GRIK3: variants seen among roughly 807,000 people sequenced by gnomAD.
GRIK3 encodes the protein glutamate receptor ionotropic, kainate 3.
A neutral mutation model predicts 102.5 loss-of-function variants in GRIK3; 29 were observed. That is an observed-to-expected ratio of 0.28 (90% confidence interval 0.21 to 0.39). The LOEUF is 0.39. GRIK3 is among the 10% of genes least tolerant of loss of function. The probability of loss-of-function intolerance (pLI) is 1.00; values close to 1 mark genes in which losing one functional copy is unlikely to be tolerated. For synonymous variants in GRIK3, 511 were observed against 504.9 expected (o/e 1.01, Z -0.16); for missense variants, 908 against 1,252.4 (o/e 0.73, Z 4.15).
chr1:36,944,199 G>A (rs1172213969), intron 1 of GRIK3, among the ~76,000 whole-genome samples: 1 of 152,252 alleles, frequency 6.6e-6, no homozygotes, highest in Admixed American at 6.5e-5. Context: ...TGAAAAAGGG[G>A]TGGAGGGAGG....
intron 1 of GRIK3, among the ~76,000 whole-genome samples, chr1:36,912,410 A>G (rs1285105526): frequency 6.6e-6 from 1 of 151,964 alleles, no homozygotes; most frequent in Non-Finnish European, 1.5e-5. Context: ...AATAGGCCCC[A>G]GCAGAACAGA....
chr1:36,918,362 G>A (rs1641430233), intron 1 of GRIK3, among the ~76,000 whole-genome samples: 1 of 152,086 alleles, frequency 6.6e-6, no homozygotes, highest in Non-Finnish European at 1.5e-5. Context: ...CTTATGCAGT[G>A]TGCATTTTTG....
intron 1 of GRIK3, among the ~76,000 whole-genome samples, chr1:36,986,465 CCCATCCAT>C (rs774258723): frequency 7.6e-4 from 88 of 115,250 alleles, no homozygotes; most frequent in East Asian, 2.7e-3. Flanking sequence ...CATCCATCAG[CCCATCCAT>C]CCATCCATCC....
intron 1 of GRIK3, among the ~76,000 whole-genome samples, chr1:36,965,476 A>G (rs947029920): frequency 1.3e-5 from 2 of 152,176 alleles, no homozygotes; most frequent in Admixed American, 1.3e-4. Context: ...TGGAGCTCAC[A>G]TGGACTTGTT....
chr1:36,989,209 T>C (rs11263957), intron 1 of GRIK3, among the ~76,000 whole-genome samples: 8,545 of 152,204 alleles, frequency 0.056, 624 homozygotes, highest in African/African-American at 0.17. Flanking sequence ...CACACACGCA[T>C]GCACATAACT....
At chr1:36,948,912 G>A (rs1641812804) in intron 1 of GRIK3, among the ~76,000 whole-genome samples, 5 of 152,338 alleles carry the variant, frequency 3.3e-5, no homozygotes, top group Admixed American at 2.6e-4. Context: ...TGAGCTGGCT[G>A]CTCCTCAAGC....
intron 1 of GRIK3, among the ~76,000 whole-genome samples, chr1:36,969,434 A>T (rs1000019987): frequency 6.6e-6 from 1 of 152,236 alleles, no homozygotes; most frequent in Non-Finnish European, 1.5e-5. Context: ...TTGACAAATT[A>T]ACTGCCTCCC....
At chr1:36,999,371 G>A (rs1291873800) in intron 1 of GRIK3, among the ~76,000 whole-genome samples, 1 of 152,136 alleles carries the variant, frequency 6.6e-6, no homozygotes, top group Non-Finnish European at 1.5e-5. Flanking sequence ...TGAACTGCAA[G>A]TCGGGAGCCG....
intron 1 of GRIK3, among the ~76,000 whole-genome samples, chr1:36,942,595 G>A (rs1641736727): frequency 6.6e-6 from 1 of 151,362 alleles, no homozygotes; most frequent in Admixed American, 6.6e-5. Flanking sequence ...TTGACCGCAG[G>A]TGGAGGTCAA....
chr1:36,838,116 A>G (rs971145080), intron 10 of GRIK3, among the ~76,000 whole-genome samples: 1 of 152,212 alleles, frequency 6.6e-6, no homozygotes, highest in Non-Finnish European at 1.5e-5. Flanking sequence ...GCTTCTGTGT[A>G]CTGAGCATTT....
At chr1:36,861,671 C>T (rs1355492569) in intron 5 of GRIK3, among the ~76,000 whole-genome samples, 2 of 152,218 alleles carry the variant, frequency 1.3e-5, no homozygotes, top group African/African-American at 2.4e-5. Context: ...CCTGTTCCTC[C>T]TGCATCCCCA....
At chr1:37,029,432 G>A (rs1642797924) in intron 1 of GRIK3, among the ~76,000 whole-genome samples, 1 of 152,210 alleles carries the variant, frequency 6.6e-6, no homozygotes, top group African/African-American at 2.4e-5. Flanking sequence ...GGAAGGTCCT[G>A]AGCAAGCAAG....
chr1:36,799,685 A>G lies in GRIK3; in HGVS notation c.*2166T>C, dbSNP rs1642418367. The G allele has an allele frequency of 6.6e-6, 1 of 152,066 alleles. No homozygotes were observed. The highest frequency in any genetic ancestry group is 2.1e-4 in the South Asian group (1 of 4,814). The allele number at this position is 152,066 out of a possible 1,614,324, so 9.4% of individuals were successfully genotyped here. ...TATGCATACCCACCAGGGCCCCATT[A>G]TGACATGGCTTCTCCTGTTTTTACA... is the stretch of plus-strand genomic sequence containing the variant. On this transcript the variant is annotated 3_prime_UTR_variant, in exon 16 of 16. Transcript: ENST00000373091.
At chr1:36,814,335 A>G (rs1051907892) in intron 13 of GRIK3, among the ~76,000 whole-genome samples, 1 of 152,104 alleles carries the variant, frequency 6.6e-6, no homozygotes, top group African/African-American at 2.4e-5. Context: ...TGCATGAGAG[A>G]TGCTCTGGCA....
At chr1:36,917,509 G>T (rs753989496) in intron 1 of GRIK3, among the ~76,000 whole-genome samples, 2 of 152,202 alleles carry the variant, frequency 1.3e-5, no homozygotes, top group Non-Finnish European at 2.9e-5. Flanking sequence ...TTGTGGGAGG[G>T]ACCCACTGAG....
chr1:36,814,167 C>T (rs887692541), intron 13 of GRIK3, among the ~76,000 whole-genome samples: 8 of 152,204 alleles, frequency 5.3e-5, no homozygotes, highest in Middle Eastern at 3.4e-3. Flanking sequence ...GGCAGCAGCT[C>T]GGTGGGGAGC....
At chr1:36,960,143 TTGAGCCTGTGTGCCCTG>T (rs1367202261) in intron 1 of GRIK3, among the ~76,000 whole-genome samples, 5 of 79,338 alleles carry the variant, frequency 6.3e-5, no homozygotes, top group Non-Finnish European at 1.2e-4. Context: ...CCTGTGCCCC[TTGAGCCTGTGTGCCCTG>T]TGAGCCTGTG....
chr1:36,874,911 C>T (rs1353953908), intron 3 of GRIK3, among the ~76,000 whole-genome samples: 1 of 152,220 alleles, frequency 6.6e-6, no homozygotes, highest in East Asian at 1.9e-4. Flanking sequence ...CTCCTCTCAG[C>T]CCACTCCAGC....
At position 36,870,410 on chromosome 1, in the gene GRIK3, G is replaced by A. The variant is rs573884248; in HGVS notation, c.733-609C>T. On this transcript the variant is annotated intron_variant, in intron 4 of 15. Coordinates refer to ENST00000373091, the MANE Select transcript of GRIK3 (RefSeq NM_000831.4). ...GAAGTCTGCACTATCTATAGTTTATGTATTTTATTAGAAGCCTATAATCTA... is the reference window on the plus strand; with the variant it reads ...GAAGTCTGCACTATCTATAGTTTATATATTTTATTAGAAGCCTATAATCTA... Among the ~76,000 whole-genome samples, 22 of 152,340 alleles carry A rather than the reference G, an allele frequency of 1.4e-4. No homozygotes were observed. In the South Asian group the frequency reaches 4.1e-3, roughly 29 times the overall value.
Sources: allele counts gnomAD v4.1 joint callset (sites outside exome capture counted in the v4.1 genomes callset), GRCh38; gene constraint gnomAD v4.1.1; transcripts MANE v1.5; gene names NCBI Gene and HGNC (gene_info 2026-07-23, HGNC 2026-07-21).